Variants in ZNF521 observed in about 807,000 individuals in gnomAD.
ZNF521 encodes the protein LYST-interacting protein 3.
ZNF521 carries 14 observed loss-of-function variants against 105.5 expected under a neutral mutation model. That is an observed-to-expected ratio of 0.13 (90% CI 0.09 to 0.21). ZNF521 has a LOEUF of 0.21. Ranked by LOEUF, ZNF521 falls within the 10% of genes least tolerant of loss-of-function variation. The pLI is 1.00. For synonymous variants in ZNF521, 635 were observed against 606.0 expected, an observed-to-expected ratio of 1.05 and a Z score of -0.70; for missense variants, 1,233 against 1,629.7, an observed-to-expected ratio of 0.76 and a Z score of 4.19.
chr18:25,304,223 A>ATGC (rs1911838931), intron 3 of ZNF521, among the ~76,000 whole-genome samples: 1 of 152,222 alleles, frequency 6.6e-6, no homozygotes, highest in Admixed American at 6.5e-5. Flanking sequence ...CTACTATCAA[A>ATGC]TACAGTCTCT....
At chr18:25,298,514 G>C (rs1911448410) in intron 3 of ZNF521, among the ~76,000 whole-genome samples, 1 of 152,114 alleles carries the variant, frequency 6.6e-6, no homozygotes, top group African/African-American at 2.4e-5. Flanking sequence ...CCTATCACAA[G>C]AGAAAGTGAA....
At chr18:25,160,338 C>T (rs1222191320) in intron 5 of ZNF521, among the ~76,000 whole-genome samples, 1 of 152,246 alleles carries the variant, frequency 6.6e-6, no homozygotes, top group Non-Finnish European at 1.5e-5. Context: ...ACTGATGCTT[C>T]TCTGTCCCTC....
intron 5 of ZNF521, among the ~76,000 whole-genome samples, chr18:25,180,523 A>AC (rs2035614235): frequency 6.6e-6 from 1 of 151,968 alleles, no homozygotes; most frequent in Admixed American, 6.6e-5. Context: ...AAAAAAAAAA[A>AC]ACCCCACATT....
rs752205718 is a variant in ZNF521 at position 25,227,230 on chromosome 18, C to T, written c.688G>A (p.Gly230Ser). 12 of 1,614,056 alleles carry T rather than the reference C, an allele frequency of 7.4e-6. No individual in the cohort carries two copies. The highest frequency in any genetic ancestry group is 6.6e-5 in the South Asian group (6 of 91,086). The stretch of plus-strand genomic sequence containing the variant: ...TCCATCCTGGAACCGGACTGAGAGC[C>T]GTCCTTGTTCCTCTCATGAACCTGC... Reference protein sequence around the residue: ...HMQVHERNKDGSQSGSRMEDW... With the variant: ...HMQVHERNKDSSQSGSRMEDW... The change falls in exon 4 of 8, where the codon GGC becomes AGC. Residue 230 changes from glycine (G) to serine (S), a missense_variant. Coordinates refer to ENST00000361524, the MANE Select transcript of ZNF521 (RefSeq NM_015461.3). This position sits in a 1 kb window ranked among gnomAD's most constrained non-coding sequence, Gnocchi z 5.7.
intron 5 of ZNF521, among the ~76,000 whole-genome samples, chr18:25,185,040 T>C (rs8088745): frequency 0.02 from 2,980 of 152,248 alleles, 104 homozygotes; most frequent in African/African-American, 0.068. Context: ...TTCATAATGA[T>C]TTTATCTATG....
At chr18:25,154,078 A>G (rs951700576) in intron 5 of ZNF521, among the ~76,000 whole-genome samples, 1 of 152,158 alleles carries the variant, frequency 6.6e-6, no homozygotes. Context: ...TCCAAATCTG[A>G]ACCTACTCTT....
chr18:25,318,109 C>T (rs1475248611), intron 3 of ZNF521, among the ~76,000 whole-genome samples: 1 of 152,020 alleles, frequency 6.6e-6, no homozygotes, highest in Non-Finnish European at 1.5e-5. Context: ...ATGATATGTT[C>T]ATATAATGGA....
intron 3 of ZNF521, among the ~76,000 whole-genome samples, chr18:25,293,463 C>G (rs144603085): frequency 4.1e-4 from 62 of 152,098 alleles, no homozygotes; most frequent in African/African-American, 1.4e-3. Context: ...AATCATTGCT[C>G]CAGGAGTACA....
chr18:25,245,336 C>T (rs976766066), intron 3 of ZNF521, among the ~76,000 whole-genome samples: 1 of 152,194 alleles, frequency 6.6e-6, no homozygotes, highest in Non-Finnish European at 1.5e-5. Context: ...TATAGCCATG[C>T]CTGGACACAT....
At chr18:25,155,779 A>C (rs190549004) in intron 5 of ZNF521, among the ~76,000 whole-genome samples, 25 of 152,316 alleles carry the variant, frequency 1.6e-4, no homozygotes, top group African/African-American at 6.0e-4. Context: ...AAATATATGC[A>C]ATAGAATATT....
At chr18:25,097,956 C>T (rs138515437) in intron 5 of ZNF521, among the ~76,000 whole-genome samples, 2 of 152,134 alleles carry the variant, frequency 1.3e-5, no homozygotes, top group East Asian at 3.9e-4. Flanking sequence ...CTGCATGGTA[C>T]CCAGCAGATT....
chr18:25,073,272 T>A (rs1027430386), intron 7 of ZNF521, among the ~76,000 whole-genome samples: 1 of 152,214 alleles, frequency 6.6e-6, no homozygotes, highest in Non-Finnish European at 1.5e-5. Flanking sequence ...AATGTCCTCT[T>A]ACAAACATTA....
Position 25,226,761 on chromosome 18 carries a change from G to T in ZNF521, c.1157C>A (p.Ala386Asp). The T allele has an allele frequency of 6.2e-7, 1 of 1,614,108 alleles. No individual in the cohort carries two copies. Among genetic ancestry groups the T allele is most frequent in the Non-Finnish European group, 8.5e-7 (1 of 1,180,016 alleles). The change falls in exon 4 of 8, where the codon GCC (alanine) becomes GAC (aspartate). Residue 386 changes from alanine (A) to aspartate (D), a missense_variant. Ala to Asp is a moderately radical substitution (Grantham distance 126). This residue lies in a region of ZNF521 where 380 missense variants were observed against 478.0 expected (regional missense o/e 0.80). Coordinates refer to ENST00000361524, the MANE Select transcript of ZNF521 (RefSeq NM_015461.3). The surrounding 1 kb of genome is among the most constrained non-coding windows in gnomAD (Gnocchi z 4.1). ...AGTCATGTCAGGGGTTTGTTGAGCG[G>T]CCCTCTTCCTCCCTCGACTCTTTGG... is the stretch of plus-strand genomic sequence containing the variant. ...PIPKSRGRKR[A>D]AQQTPDMTGP... is the part of the protein sequence containing the mutation.
chr18:25,324,007 T>C (rs1827242116), intron 2 of ZNF521, among the ~76,000 whole-genome samples: 1 of 152,148 alleles, frequency 6.6e-6, no homozygotes. Context: ...ACTGTTTAAG[T>C]ACATTGGTAA....
chr18:25,291,096 C>T (rs1459688888), intron 3 of ZNF521, among the ~76,000 whole-genome samples: 1 of 152,094 alleles, frequency 6.6e-6, no homozygotes, highest in Non-Finnish European at 1.5e-5. Context: ...ATGACTGGGG[C>T]TCCAGTGCAG....
chr18:25,099,611 A>AC (rs1230820119), intron 5 of ZNF521, among the ~76,000 whole-genome samples: 1 of 152,210 alleles, frequency 6.6e-6, no homozygotes, highest in African/African-American at 2.4e-5. Flanking sequence ...AAGTCTCTAT[A>AC]CCGTACATCC....
Position 25,226,028 on chromosome 18 carries a change from G to C in ZNF521, c.1890C>G (p.Pro630=), listed in dbSNP as rs755855933. The C allele has an allele frequency of 5.6e-6, 9 of 1,614,182 alleles. No homozygotes were observed. The highest frequency in any genetic ancestry group is 6.8e-6 in the Non-Finnish European group (8 of 1,180,024). ...ATTGATTACAGATATATTCTCCAGT[G>C]GGACGTGCAGGTGCACCTCCTACTG... ...MQAVGGAPAR[P]TGEYICNQCG... Residue 630 remains proline, a synonymous_variant, in exon 4 of 8, where the codon CCC becomes CCG. Transcript: ENST00000361524. This position sits in a 1 kb window ranked among gnomAD's most constrained non-coding sequence, Gnocchi z 4.1.
chr18:25,351,115 C>T (rs1022148990), intron 1 of ZNF521, 168 bp from the exon 2 acceptor site: 2 of 230,118 alleles, frequency 8.7e-6, no homozygotes, highest in Non-Finnish European at 1.4e-5. Context: ...CGCTCGCGCG[C>T]GGGGCTCGCG....
At chr18:25,193,889 GCT>G (rs767851585) in intron 5 of ZNF521, among the ~76,000 whole-genome samples, 31 of 151,886 alleles carry the variant, frequency 2.0e-4, no homozygotes, top group Middle Eastern at 3.4e-3. Flanking sequence ...GCACAAATAA[GCT>G]CTTAGTCATT....
Sources: gnomAD v4.1 joint callset for allele counts (sites outside exome capture counted in the v4.1 genomes callset) on GRCh38, gnomAD v4.1.1 for gene constraint, gnomAD v4.1.1 regional missense constraint, Gnocchi (gnomAD v3.1) non-coding constraint, MANE v1.5 for transcripts, NCBI Gene and HGNC (gene_info 2026-07-23, HGNC 2026-07-21) for gene names.